The following CA10 variants were observed in gnomAD, a reference collection of about 807,000 sequenced individuals.
CA10 encodes the protein carbonic anhydrase 10 (inactive), also known as carbonic anhydrase-related protein 10.
Under a neutral mutation model 44.2 loss-of-function variants are expected in CA10, and 14 were observed. The ratio of observed to expected loss-of-function variants is 0.32; its 90% CI spans 0.21 to 0.50. The LOEUF (loss-of-function observed/expected upper bound fraction) is 0.50, where lower values mean the gene tolerates loss of function less well. Ranked by LOEUF, CA10 falls within the 20% of genes least tolerant of loss-of-function variation. CA10 has a pLI of 0.99. For missense variants in CA10, 350 were observed against 409.7 expected, an observed-to-expected ratio of 0.85 and a Z score of 1.26; for synonymous variants, 159 against 141.6, an observed-to-expected ratio of 1.12 and a Z score of -0.87.
intron 2 of CA10, among the ~76,000 whole-genome samples, chr17:52,040,039 A>C (rs1441224123): frequency 6.6e-6 from 1 of 152,078 alleles, no homozygotes; most frequent in African/African-American, 2.4e-5. Context: ...CTAGACACAC[A>C]ATGTGTGAAG....
chr17:51,681,278 C>A (rs1914836495), intron 4 of CA10, among the ~76,000 whole-genome samples: 1 of 152,168 alleles, frequency 6.6e-6, no homozygotes, highest in Admixed American at 6.5e-5. Flanking sequence ...ATATTGGGGC[C>A]CTCAGGGGTG....
rs144214284 is a variant in CA10 at position 52,079,323 on chromosome 17, G to A, written c.62-6930C>T. ...CACAAACAAAAATTAGCAGGGTGTG[G>A]TAGTACATTCCTGTAATCCCAGCTA... On this transcript the variant is annotated intron_variant, in intron 1 of 8. Coordinates refer to ENST00000451037, the MANE Select transcript of CA10 (RefSeq NM_020178.5). Among the ~76,000 whole-genome samples the A allele has an allele frequency of 4.7e-3, 712 of 152,030 alleles. 17 individuals are homozygous for A. Among genetic ancestry groups the A allele is most frequent in the Non-Finnish European group, 8.1e-4 (55 of 67,958 alleles).
intron 3 of CA10, among the ~76,000 whole-genome samples, chr17:51,799,979 A>G (rs1906862379): frequency 6.6e-6 from 1 of 152,224 alleles, no homozygotes; most frequent in African/African-American, 2.4e-5. Context: ...TTAAGCATAG[A>G]GTTACCTTTT....
intron 4 of CA10, among the ~76,000 whole-genome samples, chr17:51,746,704 C>T (rs1383995674): frequency 6.6e-6 from 1 of 152,122 alleles, no homozygotes; most frequent in African/African-American, 2.4e-5. Flanking sequence ...TAGGCAGGCT[C>T]TTAGTGACAC....
intron 3 of CA10, among the ~76,000 whole-genome samples, chr17:51,909,565 G>C (rs1981706091): frequency 6.6e-6 from 1 of 152,122 alleles, no homozygotes; most frequent in African/African-American, 2.4e-5. Context: ...CAAAATTACA[G>C]TGTTGAGATG....
chr17:51,975,046 A>G (rs1984415393), intron 2 of CA10, among the ~76,000 whole-genome samples: 2 of 152,156 alleles, frequency 1.3e-5, no homozygotes, highest in South Asian at 4.1e-4. Flanking sequence ...TTGGAGAGTT[A>G]ATATTTTGAA....
chr17:51,996,079 G>A (rs933122551), intron 2 of CA10, among the ~76,000 whole-genome samples: 1 of 152,034 alleles, frequency 6.6e-6, no homozygotes, highest in African/African-American at 2.4e-5. Context: ...CTTGTCACCT[G>A]TACTGTGGGT....
intron 1 of CA10, among the ~76,000 whole-genome samples, chr17:52,080,786 G>A (rs1436150667): frequency 6.6e-6 from 1 of 151,964 alleles, no homozygotes; most frequent in East Asian, 1.9e-4. Flanking sequence ...AATTCTCAAA[G>A]CCTCTCCAAT....
intron 3 of CA10, among the ~76,000 whole-genome samples, chr17:51,897,828 T>C (rs893241792): frequency 2.0e-5 from 3 of 152,144 alleles, no homozygotes; most frequent in South Asian, 4.1e-4. Context: ...TTTGTGGCTG[T>C]TGTGAATAAG....
At chr17:51,924,308 C>T (rs542841914) in intron 3 of CA10, among the ~76,000 whole-genome samples, 9 of 152,092 alleles carry the variant, frequency 5.9e-5, no homozygotes, top group Non-Finnish European at 1.3e-4. Flanking sequence ...AAAGTTTACA[C>T]TCTCACTGGG....
At chr17:51,845,588 C>G (rs1978457788) in intron 3 of CA10, among the ~76,000 whole-genome samples, 1 of 152,136 alleles carries the variant, frequency 6.6e-6, no homozygotes, top group South Asian at 2.1e-4. Context: ...TAGTACAGTC[C>G]CCTTTGTTCC....
chr17:51,847,363 A>G (rs1978540332), intron 3 of CA10, among the ~76,000 whole-genome samples: 1 of 152,204 alleles, frequency 6.6e-6, no homozygotes, highest in Admixed American at 6.5e-5. Context: ...CATTGCAGGA[A>G]TCACAGCAGC....
intron 3 of CA10, among the ~76,000 whole-genome samples, chr17:51,782,393 C>G (rs1233574332): frequency 4.6e-5 from 7 of 152,216 alleles, no homozygotes; most frequent in Non-Finnish European, 1.0e-4. Flanking sequence ...AGTGAGGTCT[C>G]TTTGCAGAAC....
intron 3 of CA10, among the ~76,000 whole-genome samples, chr17:51,850,841 G>C (rs867046725): frequency 6.6e-6 from 1 of 152,154 alleles, no homozygotes; most frequent in Non-Finnish European, 1.5e-5. Flanking sequence ...TAGAATCTTT[G>C]CAGTGATGAC....
intron 3 of CA10, among the ~76,000 whole-genome samples, chr17:51,870,404 A>G (rs893154414): frequency 3.9e-5 from 6 of 152,218 alleles, no homozygotes; most frequent in African/African-American, 1.4e-4. Flanking sequence ...GCTAATGTGA[A>G]CCTCCTATGG....
chr17:51,639,887 G>T (rs1913010356), intron 6 of CA10, among the ~76,000 whole-genome samples: 1 of 152,084 alleles, frequency 6.6e-6, no homozygotes, highest in Non-Finnish European at 1.5e-5. Context: ...GGAGTACTTT[G>T]CTCACGGGGT....
Position 51,747,945 on chromosome 17 carries a change from G to A in CA10, c.280-127C>T, listed in dbSNP as rs559115067. On this transcript the variant is annotated intron_variant, in intron 3 of 8. Coordinates refer to ENST00000451037, the MANE Select transcript of CA10 (RefSeq NM_020178.5). The stretch of plus-strand genomic sequence containing the variant: ...GGGAAGATGGGCTAAATCCACATGT[G>A]GAGTAGGGCGTGGCAGCTGCCCCAG... 126 of 673,008 alleles carry A rather than the reference G, an allele frequency of 1.9e-4. No homozygotes were observed. In the South Asian group the frequency reaches 2.2e-3, roughly 12 times the overall value. 41.7% of individuals were successfully genotyped at this position (673,008 alleles called of 1,614,324 possible).
chr17:51,710,416 C>T (rs1227731075), intron 4 of CA10, among the ~76,000 whole-genome samples: 5 of 152,018 alleles, frequency 3.3e-5, no homozygotes, highest in African/African-American at 1.2e-4. Context: ...CTTGCTCTCT[C>T]CAGAGCAATT....
intron 1 of CA10, among the ~76,000 whole-genome samples, chr17:52,141,629 C>T (rs564486616): frequency 6.6e-6 from 1 of 152,174 alleles, no homozygotes; most frequent in Non-Finnish European, 1.5e-5. Context: ...AATGAATGAG[C>T]ATGACTGTGT....
Sources: gnomAD v4.1 joint callset for allele counts (sites outside exome capture counted in the v4.1 genomes callset) on GRCh38, gnomAD v4.1.1 for gene constraint, MANE v1.5 for transcripts, NCBI Gene and HGNC (gene_info 2026-07-23, HGNC 2026-07-21) for gene names.